Variants in ATXN7L1 observed in about 807,000 individuals in gnomAD.
ATXN7L1 encodes the protein ataxin-7-like protein 1.
Under a neutral mutation model 70.8 loss-of-function variants are expected in ATXN7L1, and 15 were observed. The observed-to-expected ratio is 0.21, with a 90% confidence interval of 0.14 to 0.33. The LOEUF (loss-of-function observed/expected upper bound fraction) is 0.33. Ranked by LOEUF, ATXN7L1 falls within the 10% of genes least tolerant of loss-of-function variation. The pLI, the probability that ATXN7L1 is intolerant of heterozygous loss-of-function variation, is 1.00. For synonymous variants in ATXN7L1, 440 were observed against 445.1 expected, an observed-to-expected ratio of 0.99 and a Z score of 0.14; for missense variants, 975 against 1,097.1, an observed-to-expected ratio of 0.89 and a Z score of 1.57.
intron 3 of ATXN7L1, among the ~76,000 whole-genome samples, chr7:105,714,183 T>A (rs1794251053): frequency 6.6e-6 from 1 of 152,236 alleles, no homozygotes; most frequent in African/African-American, 2.4e-5. Flanking sequence ...ACCCACTAAT[T>A]GGCAGGGTCA....
chr7:105,829,836 A>C (rs1811357906), intron 2 of ATXN7L1, among the ~76,000 whole-genome samples: 1 of 152,240 alleles, frequency 6.6e-6, no homozygotes, highest in Non-Finnish European at 1.5e-5. Flanking sequence ...CTACGACCTT[A>C]CAGGGACCTT....
intron 3 of ATXN7L1, among the ~76,000 whole-genome samples, chr7:105,726,637 G>A (rs1158081854): frequency 6.6e-6 from 1 of 152,196 alleles, no homozygotes; most frequent in Non-Finnish European, 1.5e-5. Flanking sequence ...GGAGTGTCCA[G>A]TATGGCAAAG....
intron 3 of ATXN7L1, among the ~76,000 whole-genome samples, chr7:105,762,040 T>C (rs916037398): frequency 1.3e-5 from 2 of 152,204 alleles, no homozygotes; most frequent in African/African-American, 4.8e-5. Context: ...AATCCATTTA[T>C]GGAGCCAGGG....
At chr7:105,686,645 C>G (rs190334218) in intron 3 of ATXN7L1, among the ~76,000 whole-genome samples, 1 of 152,182 alleles carries the variant, frequency 6.6e-6, no homozygotes. Context: ...TGCCCTAACA[C>G]GAAGCCTATT....
chr7:105,675,809 T>C (rs1029071066), intron 3 of ATXN7L1, among the ~76,000 whole-genome samples: 1 of 150,740 alleles, frequency 6.6e-6, no homozygotes, highest in Non-Finnish European at 1.5e-5. Context: ...AGAGAGAAAG[T>C]AGGTGCCAAT....
intron 3 of ATXN7L1, among the ~76,000 whole-genome samples, chr7:105,755,252 G>C (rs1272800969): frequency 6.6e-6 from 1 of 152,172 alleles, no homozygotes; most frequent in Non-Finnish European, 1.5e-5. Context: ...ACCCCAGCTG[G>C]AGGGATGTTA....
chr7:105,715,608 C>A (rs1182712727), intron 3 of ATXN7L1, among the ~76,000 whole-genome samples: 2 of 152,238 alleles, frequency 1.3e-5, no homozygotes, highest in East Asian at 3.8e-4. Flanking sequence ...TCACTTGGAG[C>A]ACATGCTCAA....
At chr7:105,692,370 TTTCCTTCCTTCCTTCCTTCCTTCCTTCC>T (rs60485799) in intron 3 of ATXN7L1, among the ~76,000 whole-genome samples, 1 of 94,510 alleles carries the variant, frequency 1.1e-5, no homozygotes, top group African/African-American at 4.3e-5. Context: ...AATTTCTTTC[TTTCCTTCCTTCCTTCCTTCCTTCCTTCC>T]TTCCTTCCTT....
At chr7:105,623,300 C>A (rs1795203652) in intron 8 of ATXN7L1, among the ~76,000 whole-genome samples, 1 of 152,176 alleles carries the variant, frequency 6.6e-6, no homozygotes, top group Non-Finnish European at 1.5e-5. Context: ...CAGAGTAAAC[C>A]ACCATGGGGT....
chr7:105,812,243 TG>T (rs1400217288), intron 2 of ATXN7L1, among the ~76,000 whole-genome samples: 1 of 152,152 alleles, frequency 6.6e-6, no homozygotes, highest in Non-Finnish European at 1.5e-5. Flanking sequence ...AATCCAAACA[TG>T]GATGGCTGAA....
intron 3 of ATXN7L1, among the ~76,000 whole-genome samples, chr7:105,778,393 C>T (rs1252515597): frequency 6.6e-6 from 1 of 150,608 alleles, no homozygotes; most frequent in Non-Finnish European, 1.5e-5. Flanking sequence ...TGCCTGTGGT[C>T]CCAGCTACTC....
At chr7:105,854,197 T>A (rs1815346068) in intron 2 of ATXN7L1, among the ~76,000 whole-genome samples, 1 of 152,200 alleles carries the variant, frequency 6.6e-6, no homozygotes, top group Non-Finnish European at 1.5e-5. Flanking sequence ...GTCCTCTCAC[T>A]GTGCCAAGAA....
At chr7:105,817,303 G>A (rs1337393073) in intron 2 of ATXN7L1, among the ~76,000 whole-genome samples, 1 of 152,152 alleles carries the variant, frequency 6.6e-6, no homozygotes, top group African/African-American at 2.4e-5. Flanking sequence ...ACATGAAAAT[G>A]GAAGCCTACT....
intron 10 of ATXN7L1, 56 bp from the exon 11 acceptor site, chr7:105,610,659 C>G: frequency 1.4e-6 from 2 of 1,436,416 alleles, no homozygotes; most frequent in Non-Finnish European, 1.9e-6. Context: ...GGGAAGGGCC[C>G]GCCGATGCCA....
intron 9 of ATXN7L1, among the ~76,000 whole-genome samples, chr7:105,617,498 A>C (rs2115761495): frequency 6.6e-6 from 1 of 152,232 alleles, no homozygotes; most frequent in Non-Finnish European, 1.5e-5. Context: ...TTCTTGCCTC[A>C]CTACTCACAA....
intron 3 of ATXN7L1, among the ~76,000 whole-genome samples, chr7:105,772,369 T>G (rs897392435): frequency 6.6e-6 from 1 of 152,174 alleles, no homozygotes; most frequent in Non-Finnish European, 1.5e-5. Context: ...CCACTGTGCC[T>G]GGCCAGATTG....
At chr7:105,612,309 A>T (rs1345597895) in intron 10 of ATXN7L1, among the ~76,000 whole-genome samples, 1 of 152,200 alleles carries the variant, frequency 6.6e-6, no homozygotes, top group East Asian at 1.9e-4. Flanking sequence ...AAATGAGTTA[A>T]TACACCTGAA....
At chr7:105,771,450 C>T (rs1483145827) in intron 3 of ATXN7L1, among the ~76,000 whole-genome samples, 2 of 152,024 alleles carry the variant, frequency 1.3e-5, no homozygotes, top group East Asian at 1.9e-4. Flanking sequence ...ATTCTGAGTT[C>T]CCCTTTGTCC....
At chr7:105,640,380 G>C (rs1797998320) in intron 5 of ATXN7L1, among the ~76,000 whole-genome samples, 2 of 152,214 alleles carry the variant, frequency 1.3e-5, no homozygotes, top group South Asian at 4.1e-4. Context: ...GGCTTCCCCA[G>C]CTCCTGCCTT....
Sources: gnomAD v4.1 joint callset for allele counts (sites outside exome capture counted in the v4.1 genomes callset) on GRCh38, gnomAD v4.1.1 for gene constraint, MANE v1.5 for transcripts, NCBI Gene and HGNC (gene_info 2026-07-23, HGNC 2026-07-21) for gene names.